GRM8: variants seen among roughly 807,000 people sequenced by gnomAD.
GRM8 encodes glutamate metabotropic receptor 8, also known as metabotropic glutamate receptor 8.
In GRM8, 47 loss-of-function variants were observed where a neutral mutation model predicts 87.2. The ratio of observed to expected loss-of-function variants is 0.54; its 90% CI spans 0.43 to 0.69. The LOEUF (loss-of-function observed/expected upper bound fraction) is 0.69, where lower values mean the gene tolerates loss of function less well. Among genes scored for constraint, GRM8 ranks in the 30% least tolerant of loss-of-function variants. The pLI is 0.00. For missense variants in GRM8, 1,019 were observed against 1,139.2 expected (o/e 0.89, Z 1.52); for synonymous variants, 396 against 404.5 (o/e 0.98, Z 0.25).
intron 7 of GRM8, among the ~76,000 whole-genome samples, chr7:126,693,382 GA>G (rs1166960197): frequency 3.1e-4 from 47 of 152,104 alleles, no homozygotes; most frequent in Admixed American, 2.4e-3. Context: ...TTAACAATAA[GA>G]CTGGCAACCA....
intron 7 of GRM8, among the ~76,000 whole-genome samples, chr7:126,762,205 C>G (rs1328505501): frequency 6.6e-6 from 1 of 151,322 alleles, no homozygotes; most frequent in Non-Finnish European, 1.5e-5. Flanking sequence ...TGAACATAAA[C>G]TAAAGAAAGA....
intron 3 of GRM8, among the ~76,000 whole-genome samples, chr7:126,974,936 CAAAAAAAAAAAAAAAAAA>C (rs36129145): frequency 5.0e-5 from 3 of 59,606 alleles, no homozygotes; most frequent in African/African-American, 6.7e-5. Context: ...ACTCTTGTCT[CAAAAAAAAAAAAAAAAAA>C]AAAAAAAAAA....
At chr7:126,822,906 G>C (rs1794435560) in intron 6 of GRM8, among the ~76,000 whole-genome samples, 1 of 152,148 alleles carries the variant, frequency 6.6e-6, no homozygotes, top group Non-Finnish European at 1.5e-5. Flanking sequence ...CTGTCTCCTA[G>C]TCTTCATCCC....
At position 126,626,844 on chromosome 7, in the gene GRM8, A is replaced by G. The variant is rs117763369; in HGVS notation, c.1358-17346T>C. 4.1e-3 allele frequency among the ~76,000 whole-genome samples: 625 copies of G among 152,258 alleles called. 20 individuals carry two copies. The East Asian group carries it at 0.078, about 19-fold the overall frequency. On this transcript the variant is annotated intron_variant, in intron 7 of 10. Transcript: ENST00000339582. ...AAACCAGCCTGGGCAACAAAGTGAG[A>G]CCTTGTCTCAATTAAAATATTTTTA...
chr7:127,250,936 G>GT (rs1798829549), intron 1 of GRM8: 1 of 152,092 alleles, frequency 6.6e-6, no homozygotes, highest in Non-Finnish European at 1.5e-5. Flanking sequence ...GATTTTTCTT[G>GT]TATCTCCACC....
chr7:126,947,054 C>A (rs1807615134), intron 3 of GRM8, among the ~76,000 whole-genome samples: 1 of 152,206 alleles, frequency 6.6e-6, no homozygotes, highest in Non-Finnish European at 1.5e-5. Flanking sequence ...CTAACTGAGG[C>A]TTAAGTGGGT....
chr7:127,109,752 A>C (rs1335047494), intron 2 of GRM8, among the ~76,000 whole-genome samples: 1 of 152,192 alleles, frequency 6.6e-6, no homozygotes, highest in African/African-American at 2.4e-5. Flanking sequence ...CCAAGTGCTC[A>C]ATGAATGTTT....
chr7:126,521,712 TTACTC>T (rs1444579656), intron 9 of GRM8, among the ~76,000 whole-genome samples: 1 of 152,116 alleles, frequency 6.6e-6, no homozygotes, highest in Non-Finnish European at 1.5e-5. Flanking sequence ...AAAATAAAGA[TTACTC>T]TAAAATTTGC....
intron 3 of GRM8, among the ~76,000 whole-genome samples, chr7:126,915,671 A>G (rs71578204): frequency 5.9e-5 from 9 of 152,186 alleles, no homozygotes; most frequent in African/African-American, 2.2e-4. Flanking sequence ...AGTCAGAGAA[A>G]CAAAGAAAGA....
intron 6 of GRM8, among the ~76,000 whole-genome samples, chr7:126,830,255 G>C (rs1302964029): frequency 6.6e-6 from 1 of 152,132 alleles, no homozygotes; most frequent in Non-Finnish European, 1.5e-5. Flanking sequence ...GGCCTGCCTT[G>C]CTAGATTGGG....
chr7:127,095,702 T>C (rs1443102685), intron 3 of GRM8: 1 of 152,196 alleles, frequency 6.6e-6, no homozygotes, highest in Non-Finnish European at 1.5e-5. Flanking sequence ...TGCTCCACTG[T>C]CTCATGCCAG....
intron 2 of GRM8, among the ~76,000 whole-genome samples, chr7:127,185,548 C>T (rs1301166787): frequency 6.6e-6 from 1 of 151,946 alleles, no homozygotes; most frequent in Non-Finnish European, 1.5e-5. Flanking sequence ...TTTAGGTCAC[C>T]TTGAGTTTGA....
intron 9 of GRM8, among the ~76,000 whole-genome samples, chr7:126,521,503 T>G (rs917125142): frequency 2.0e-5 from 3 of 152,064 alleles, no homozygotes; most frequent in Admixed American, 2.0e-4. Context: ...TTCAAAACAC[T>G]GCCAAAATAC....
chr7:126,781,872 C>T (rs368781676), intron 6 of GRM8, among the ~76,000 whole-genome samples: 3 of 152,040 alleles, frequency 2.0e-5, no homozygotes, highest in East Asian at 1.9e-4. Context: ...TGAGCCACCA[C>T]GACCAGCTAA....
At chr7:127,251,931 G>C (rs547688524) in intron 1 of GRM8, among the ~76,000 whole-genome samples, 44 of 152,294 alleles carry the variant, frequency 2.9e-4, no homozygotes, top group Non-Finnish European at 5.0e-4. Context: ...ACGCAAACTC[G>C]AGGCAGAGCG....
intron 2 of GRM8, among the ~76,000 whole-genome samples, chr7:127,217,106 T>C (rs1292690896): frequency 6.6e-6 from 1 of 152,218 alleles, no homozygotes; most frequent in African/African-American, 2.4e-5. Context: ...GTGGTATACA[T>C]ATGGATGAAT....
At chr7:126,961,255 G>A (rs1809293501) in intron 3 of GRM8, among the ~76,000 whole-genome samples, 1 of 152,204 alleles carries the variant, frequency 6.6e-6, no homozygotes, top group African/African-American at 2.4e-5. Context: ...ATTGCTAAGT[G>A]TGAAACTCCT....
intron 2 of GRM8, among the ~76,000 whole-genome samples, chr7:127,153,946 G>T (rs866735275): frequency 6.6e-6 from 1 of 152,128 alleles, no homozygotes; most frequent in Admixed American, 6.6e-5. Context: ...TACACAGGAA[G>T]CCAGCTGAGG....
At chr7:126,552,181 T>C (rs1387303513) in intron 8 of GRM8, among the ~76,000 whole-genome samples, 1 of 152,142 alleles carries the variant, frequency 6.6e-6, no homozygotes, top group African/African-American at 2.4e-5. Flanking sequence ...AAGTGGTCCA[T>C]CCCTCCTCTC....
Sources: allele counts gnomAD v4.1 joint callset (sites outside exome capture counted in the v4.1 genomes callset), GRCh38; gene constraint gnomAD v4.1.1; transcripts MANE v1.5; gene names NCBI Gene and HGNC (gene_info 2026-07-23, HGNC 2026-07-21).